The following CCSER1 variants were observed in gnomAD, a reference collection of about 807,000 sequenced individuals.
The protein encoded by CCSER1 is serine-rich coiled-coil domain-containing protein 1.
A neutral mutation model predicts 82.0 loss-of-function variants in CCSER1; 41 were observed. That is an observed-to-expected ratio of 0.50 (90% CI 0.39 to 0.65). The LOEUF (loss-of-function observed/expected upper bound fraction) is 0.65, where lower values mean the gene tolerates loss of function less well. Among genes scored for constraint, CCSER1 ranks in the 30% least tolerant of loss-of-function variants. CCSER1 has a pLI of 0.00. For missense variants in CCSER1, 1,119 were observed against 1,064.2 expected (o/e 1.05, Z -0.72); for synonymous variants, 414 against 383.9 (o/e 1.08, Z -0.92).
intron 10 of CCSER1, among the ~76,000 whole-genome samples, chr4:91,425,549 A>G (rs758930997): frequency 8.5e-5 from 13 of 152,194 alleles, no homozygotes; most frequent in Non-Finnish European, 1.8e-4. Context: ...CTATATTACC[A>G]TAATTGACAA....
intron 10 of CCSER1, among the ~76,000 whole-genome samples, chr4:91,287,753 T>C (rs1463271131): frequency 1.3e-5 from 2 of 151,922 alleles, no homozygotes; most frequent in Non-Finnish European, 2.9e-5. Context: ...GGAAAAGTTT[T>C]AAGTGGCATG....
intron 9 of CCSER1, among the ~76,000 whole-genome samples, chr4:90,990,637 T>A (rs758265425): frequency 9.2e-5 from 14 of 151,932 alleles, no homozygotes; most frequent in Non-Finnish European, 1.6e-4. Context: ...TCTAGATTCT[T>A]GGGCCCAGAT....
chr4:90,784,645 T>G (rs1345430928), intron 7 of CCSER1, among the ~76,000 whole-genome samples: 1 of 152,166 alleles, frequency 6.6e-6, no homozygotes. Flanking sequence ...ATCCATATAT[T>G]TCACTACATT....
chr4:90,791,064 C>G (rs1598146), intron 7 of CCSER1, among the ~76,000 whole-genome samples: 1 of 151,944 alleles, frequency 6.6e-6, no homozygotes, highest in Non-Finnish European at 1.5e-5. Context: ...AGGGAACTTA[C>G]AGGCATGGCA....
intron 9 of CCSER1, among the ~76,000 whole-genome samples, chr4:90,938,215 G>A (rs1731190169): frequency 2.0e-5 from 3 of 152,040 alleles, no homozygotes; most frequent in African/African-American, 7.2e-5. Context: ...GCAAAATTCT[G>A]TTGAAACTTT....
Position 90,252,497 on chromosome 4 carries a change from T to C in CCSER1, c.-41-55747T>C, listed in dbSNP as rs1343992466. On this transcript the variant is annotated intron_variant, in intron 1 of 10. Coordinates refer to ENST00000509176, the MANE Select transcript of CCSER1 (RefSeq NM_001145065.2). Reference sequence around the variant, plus strand: ...AATTTTCCAATTTTTTATTTTAAGATTTTTAATTTTTGTGGGTACATATAT... The same window carrying C: ...AATTTTCCAATTTTTTATTTTAAGACTTTTAATTTTTGTGGGTACATATAT... 2.0e-5 allele frequency among the ~76,000 whole-genome samples: 3 copies of C among 151,820 alleles called. No homozygotes were observed. In the East Asian group the frequency reaches 5.8e-4, roughly 29 times the overall value.
At chr4:90,219,747 A>G (rs1384131837) in intron 1 of CCSER1, among the ~76,000 whole-genome samples, 1 of 152,176 alleles carries the variant, frequency 6.6e-6, no homozygotes, top group Non-Finnish European at 1.5e-5. Flanking sequence ...TTATGATTGT[A>G]CTGGTTTTGA....
intron 1 of CCSER1, among the ~76,000 whole-genome samples, chr4:90,271,848 ATATATATATATATAT>A (rs1440372633): frequency 3.0e-4 from 7 of 23,346 alleles, no homozygotes; most frequent in Non-Finnish European, 4.7e-4. Flanking sequence ...ATATATATAT[ATATATATATATATAT>A]TTTTTTTTTT....
At chr4:91,512,878 T>C (rs1200382894) in intron 10 of CCSER1, among the ~76,000 whole-genome samples, 1 of 152,170 alleles carries the variant, frequency 6.6e-6, no homozygotes, top group Non-Finnish European at 1.5e-5. Context: ...TCTTTGGGAG[T>C]GTTCTAGGTA....
chr4:90,263,971 C>T (rs1724799551), intron 1 of CCSER1, among the ~76,000 whole-genome samples: 1 of 151,904 alleles, frequency 6.6e-6, no homozygotes, highest in African/African-American at 2.4e-5. Flanking sequence ...AGAGCACAGA[C>T]CCCCCTAACT....
At position 91,598,620 on chromosome 4, in the gene CCSER1, A is replaced by C. The variant is rs989473898; in HGVS notation, c.2266A>C (p.Arg756=). Residue 756 remains arginine (R), a synonymous_variant, in exon 11 of 11, where the codon AGA becomes CGA. Transcript: ENST00000509176. ...GAGCCAAAATCTCAGCACAAGGGAC[A>C]GAAAAGCAATACATACTCCCACCGA... is the stretch of plus-strand genomic sequence containing the variant. ...IVSQNLSTRD[R]KAIHTPTEDR... 26 of 1,551,468 alleles carry C rather than the reference A, an allele frequency of 1.7e-5. No homozygotes were observed. The highest frequency in any genetic ancestry group is 2.2e-5 in the Non-Finnish European group (25 of 1,146,866).
chr4:91,523,940 A>T (rs930252751), intron 10 of CCSER1, among the ~76,000 whole-genome samples: 1 of 151,804 alleles, frequency 6.6e-6, no homozygotes, highest in Non-Finnish European at 1.5e-5. Context: ...TGTGTTTTCC[A>T]TGTTAGAATG....
chr4:90,598,298 T>A (rs1783594544), intron 5 of CCSER1, among the ~76,000 whole-genome samples: 1 of 152,158 alleles, frequency 6.6e-6, no homozygotes, highest in African/African-American at 2.4e-5. Context: ...CTTTAAGTTT[T>A]AGGGTACATG....
chr4:90,567,550 A>G (rs983096066), intron 5 of CCSER1, among the ~76,000 whole-genome samples: 1 of 151,884 alleles, frequency 6.6e-6, no homozygotes, highest in African/African-American at 2.4e-5. Context: ...TCGGCCTCCC[A>G]AAGTGCTGGG....
At chr4:91,384,424 T>TATTAA (rs141415108) in intron 10 of CCSER1, among the ~76,000 whole-genome samples, 1 of 3,976 alleles carries the variant, frequency 2.5e-4, no homozygotes, top group Non-Finnish European at 3.8e-4. Flanking sequence ...TGCAACATGA[T>TATTAA]ATTAGATTTT....
chr4:91,051,815 T>G (rs1232745259), intron 9 of CCSER1, among the ~76,000 whole-genome samples: 1 of 152,158 alleles, frequency 6.6e-6, no homozygotes. Flanking sequence ...CATAATATCA[T>G]AAATGTTGCT....
chr4:90,993,130 G>A (rs541281224), intron 9 of CCSER1, among the ~76,000 whole-genome samples: 3 of 152,000 alleles, frequency 2.0e-5, no homozygotes, highest in Non-Finnish European at 4.4e-5. Flanking sequence ...CAGCCTCTCT[G>A]TCTATCCTAA....
intron 9 of CCSER1, among the ~76,000 whole-genome samples, chr4:91,073,641 T>G (rs1262589868): frequency 6.6e-6 from 1 of 152,094 alleles, no homozygotes; most frequent in East Asian, 1.9e-4. Flanking sequence ...AATACAGATA[T>G]GTAAGTTAAA....
intron 10 of CCSER1, among the ~76,000 whole-genome samples, chr4:91,443,594 T>C (rs935804242): frequency 2.0e-5 from 3 of 151,258 alleles, no homozygotes; most frequent in Non-Finnish European, 2.9e-5. Context: ...GCATGGCACA[T>C]GTATACATAT....
Sources: gnomAD v4.1 joint callset for allele counts (sites outside exome capture counted in the v4.1 genomes callset) on GRCh38, gnomAD v4.1.1 for gene constraint, MANE v1.5 for transcripts, NCBI Gene and HGNC (gene_info 2026-07-23, HGNC 2026-07-21) for gene names.